RGS6: variants seen among roughly 807,000 people sequenced by gnomAD.
RGS6 encodes the protein regulator of G protein signaling 6, also known as regulator of G-protein signaling 6.
RGS6 carries 30 observed loss-of-function variants against 78.5 expected under a neutral mutation model. That is an observed-to-expected ratio of 0.38 (90% CI 0.29 to 0.52). The LOEUF (loss-of-function observed/expected upper bound fraction) is 0.52. Among genes scored for constraint, RGS6 ranks in the 20% least tolerant of loss-of-function variants. The pLI is 0.85. For synonymous variants in RGS6, 206 were observed against 206.0 expected, an observed-to-expected ratio of 1.00 and a Z score of 0.00; for missense variants, 495 against 609.7, an observed-to-expected ratio of 0.81 and a Z score of 1.98.
intron 2 of RGS6, among the ~76,000 whole-genome samples, chr14:72,244,530 G>A (rs1015797696): frequency 2.0e-5 from 3 of 152,178 alleles, no homozygotes; most frequent in Non-Finnish European, 4.4e-5. Context: ...TGGGGACTGT[G>A]AAGTTATTCC....
intron 3 of RGS6, among the ~76,000 whole-genome samples, chr14:72,435,061 T>G (rs989650887): frequency 5.3e-5 from 8 of 152,202 alleles, no homozygotes; most frequent in African/African-American, 1.9e-4. Context: ...CAGCTGGGCT[T>G]GCAAATCCTC....
At chr14:72,527,266 G>A (rs1052424605) in intron 15 of RGS6, among the ~76,000 whole-genome samples, 1 of 152,178 alleles carries the variant, frequency 6.6e-6, no homozygotes, top group Non-Finnish European at 1.5e-5. Flanking sequence ...TCAAGAGGAG[G>A]CTCCTAACTT....
chr14:72,209,064 C>A (rs2043385451), intron 2 of RGS6, among the ~76,000 whole-genome samples: 1 of 152,076 alleles, frequency 6.6e-6, no homozygotes, highest in Non-Finnish European at 1.5e-5. Context: ...TCAGCCTGGA[C>A]AAAGGTGAAA....
chr14:72,347,092 G>C (rs919414042), intron 2 of RGS6, among the ~76,000 whole-genome samples: 3 of 152,194 alleles, frequency 2.0e-5, no homozygotes, highest in African/African-American at 7.2e-5. Flanking sequence ...TCAGATAAGG[G>C]CCACCTGCTT....
At chr14:72,105,805 G>A (rs1255917659) in intron 2 of RGS6, among the ~76,000 whole-genome samples, 2 of 152,204 alleles carry the variant, frequency 1.3e-5, no homozygotes, top group African/African-American at 4.8e-5. Context: ...GTCTTCGAGA[G>A]AGAAGTTCTG....
chr14:72,103,789 C>G (rs934205286), intron 2 of RGS6, among the ~76,000 whole-genome samples: 1 of 152,206 alleles, frequency 6.6e-6, no homozygotes, highest in Non-Finnish European at 1.5e-5. Context: ...GACACATCGT[C>G]ACTTCCACCA....
chr14:72,470,012 C>G lies in RGS6; in HGVS notation c.465C>G (p.Asn155Lys), dbSNP rs2096030373. 1 of 1,611,920 alleles carries G rather than the reference C, an allele frequency of 6.2e-7. No individual in the cohort carries two copies. The highest frequency in any genetic ancestry group is 8.5e-7 in the Non-Finnish European group (1 of 1,178,694). The change falls in exon 8 of 18, where the codon AAC becomes AAG. Residue 155 changes from asparagine (N) to lysine (K), a missense_variant. Physicochemically the swap from Asn to Lys is moderately conservative, Grantham distance 94. Coordinates refer to ENST00000553525, the MANE Select transcript of RGS6 (RefSeq NM_001204424.2). ...TGATTTTCATTTCTCATTAGGAAAA[C>G]TTAGCAAGACTCCAGAGGGCCTTTG... ...RLELADYEAE[N>K]LARLQRAFAR...
chr14:72,045,525 C>T (rs979922239), intron 2 of RGS6, among the ~76,000 whole-genome samples: 3 of 152,142 alleles, frequency 2.0e-5, no homozygotes, highest in Admixed American at 1.3e-4. Flanking sequence ...ATAGAGTTTG[C>T]ATCTTGCAGC....
At chr14:72,362,538 G>T (rs1463500969) in intron 3 of RGS6, among the ~76,000 whole-genome samples, 2 of 152,114 alleles carry the variant, frequency 1.3e-5, no homozygotes, top group East Asian at 3.9e-4. Flanking sequence ...GTTTGGCCTT[G>T]GTGCTTACTC....
the RGS6 span, among the ~76,000 whole-genome samples, chr14:71,917,990 G>A: frequency 1.3e-5 from 2 of 151,864 alleles, no homozygotes; most frequent in African/African-American, 2.4e-5. Context: ...TGGCTAACAC[G>A]GCGAAACCCC....
chr14:72,110,932 C>T (rs1175195821), intron 2 of RGS6, among the ~76,000 whole-genome samples: 1 of 152,106 alleles, frequency 6.6e-6, no homozygotes, highest in East Asian at 1.9e-4. Context: ...CACTCTGATC[C>T]CTCTAGAATC....
At position 72,493,105 on chromosome 14, in the gene RGS6, C is replaced by T. The variant is rs144134177; in HGVS notation, c.855-2047C>T. Among the ~76,000 whole-genome samples, 254 of 152,288 alleles carry T rather than the reference C, an allele frequency of 1.7e-3. 3 individuals carry two copies. Among genetic ancestry groups the T allele is most frequent in the African/African-American group, 5.8e-3 (241 of 41,536 alleles). On this transcript the variant is annotated intron_variant, in intron 12 of 17. Coordinates refer to ENST00000553525, the MANE Select transcript of RGS6 (RefSeq NM_001204424.2). ...CCATCAGTGACAAGCCCCATCCACA[C>T]GCCCACTGAGCCGCCAAGCAGGTTT...
At chr14:72,152,243 A>AGTGTGT (rs1207535946) in intron 2 of RGS6, among the ~76,000 whole-genome samples, 2 of 125,158 alleles carry the variant, frequency 1.6e-5, no homozygotes, top group African/African-American at 5.5e-5. Flanking sequence ...AGAGAGAGAG[A>AGTGTGT]GAGTGTGTGT....
At chr14:72,289,356 T>TCTCCCCCTCCCC (rs2063169845) in intron 2 of RGS6, among the ~76,000 whole-genome samples, 1 of 151,832 alleles carries the variant, frequency 6.6e-6, no homozygotes, top group Non-Finnish European at 1.5e-5. Context: ...TCTCACTCTC[T>TCTCCCCCTCCCC]CTCCCCCTCC....
chr14:72,172,239 C>G (rs991146011), intron 2 of RGS6, among the ~76,000 whole-genome samples: 1 of 151,242 alleles, frequency 6.6e-6, no homozygotes, highest in Non-Finnish European at 1.5e-5. Flanking sequence ...TTCCATAGAA[C>G]CTCACTCAGC....
At position 72,005,516 on chromosome 14, in the gene RGS6, A is replaced by G. The variant is rs1012227738; in HGVS notation, c.84+40641A>G. On this transcript the variant is annotated intron_variant, in intron 2 of 17. Coordinates refer to ENST00000553525, the MANE Select transcript of RGS6 (RefSeq NM_001204424.2). ...CTAAAATGAAACAGCCTATAATCCAATTAGTAGTTATCCCTAGAATTTGAG... is the reference window on the plus strand; with the variant it reads ...CTAAAATGAAACAGCCTATAATCCAGTTAGTAGTTATCCCTAGAATTTGAG... 4.0e-5 allele frequency among the ~76,000 whole-genome samples: 6 copies of G among 151,376 alleles called. No individual in the cohort carries two copies. The East Asian group carries it at 7.8e-4, about 20-fold the overall frequency.
chr14:72,331,713 A>T (rs2152571576), intron 2 of RGS6, among the ~76,000 whole-genome samples: 1 of 152,040 alleles, frequency 6.6e-6, no homozygotes, highest in South Asian at 2.1e-4. Flanking sequence ...AGCTCTGGTG[A>T]TACCTCCCAC....
At chr14:72,202,982 C>T (rs1259973696) in intron 2 of RGS6, among the ~76,000 whole-genome samples, 1 of 152,120 alleles carries the variant, frequency 6.6e-6, no homozygotes, top group African/African-American at 2.4e-5. Flanking sequence ...TCACGCCATT[C>T]TCCTGCCTCA....
chr14:72,420,661 CTT>C (rs1372848750), intron 3 of RGS6, among the ~76,000 whole-genome samples: 4 of 152,220 alleles, frequency 2.6e-5, no homozygotes, highest in South Asian at 2.1e-4. Context: ...TCCAAGAACA[CTT>C]TTAAACTCAT....
Sources: gnomAD v4.1 joint callset for allele counts (sites outside exome capture counted in the v4.1 genomes callset) on GRCh38, gnomAD v4.1.1 for gene constraint, MANE v1.5 for transcripts, NCBI Gene and HGNC (gene_info 2026-07-23, HGNC 2026-07-21) for gene names.